The following PLCB4 variants were observed in gnomAD, a reference collection of about 807,000 sequenced individuals.
PLCB4 encodes the protein 1-phosphatidylinositol 4,5-bisphosphate phosphodiesterase beta-4.
Under a neutral mutation model 178.8 loss-of-function variants are expected in PLCB4, and 77 were observed. That is an observed-to-expected ratio of 0.43 (90% CI 0.36 to 0.52). The LOEUF (loss-of-function observed/expected upper bound fraction) is 0.52, where lower values mean the gene tolerates loss of function less well. Ranked by LOEUF, PLCB4 falls within the 20% of genes least tolerant of loss-of-function variation. PLCB4 has a pLI of 0.00. For synonymous variants in PLCB4, 496 were observed against 490.8 expected, an observed-to-expected ratio of 1.01 and a Z score of -0.14; for missense variants, 1,024 against 1,453.4, an observed-to-expected ratio of 0.70 and a Z score of 4.80.
chr20:9,078,385 T>C (rs1263559179), intron 1 of PLCB4, among the ~76,000 whole-genome samples: 2 of 150,914 alleles, frequency 1.3e-5, no homozygotes, highest in Non-Finnish European at 3.0e-5. Context: ...TCTTCTTTTC[T>C]TTCTTTTCTT....
In PLCB4 at chr20:9,437,062, A is replaced by G. The variant is rs1211048198; in HGVS notation, c.2674A>G (p.Thr892Ala). The G allele has an allele frequency of 6.2e-7, 1 of 1,613,952 alleles. No individual in the cohort carries two copies. The highest frequency in any genetic ancestry group is 8.5e-7 in the Non-Finnish European group (1 of 1,179,958). Residue 892 changes from threonine to alanine, a missense_variant, in exon 30 of 40, where the codon ACC becomes GCC. By Grantham distance (58) the Thr-to-Ala change is moderately conservative. Coordinates refer to ENST00000378473, the MANE Select transcript of PLCB4 (RefSeq NM_001377142.1). Reference protein sequence around the residue: ...SKNDKKGKANTAKANVTPQSS... With the variant: ...SKNDKKGKANAAKANVTPQSS... Reference sequence around the variant, plus strand: ...AAATGACAAGAAAGGAAAGGCCAACACCGCCAAAGCAAATGTGACCCCTCA... The same window carrying G: ...AAATGACAAGAAAGGAAAGGCCAACGCCGCCAAAGCAAATGTGACCCCTCA...
At chr20:9,221,130 G>A (rs907851759) in intron 3 of PLCB4, among the ~76,000 whole-genome samples, 1 of 152,132 alleles carries the variant, frequency 6.6e-6, no homozygotes, top group Non-Finnish European at 1.5e-5. Context: ...GGAAAGGGAA[G>A]AAGCCAAGCA....
At chr20:9,116,168 G>C (rs1351571610) in intron 2 of PLCB4, among the ~76,000 whole-genome samples, 1 of 151,502 alleles carries the variant, frequency 6.6e-6, no homozygotes, top group Non-Finnish European at 1.5e-5. Context: ...TGTGTGTATG[G>C]CTTCAAATCT....
chr20:9,190,835 A>T (rs987596339), intron 2 of PLCB4, among the ~76,000 whole-genome samples: 3 of 152,136 alleles, frequency 2.0e-5, no homozygotes, highest in Non-Finnish European at 4.4e-5. Flanking sequence ...TCCTTTTACA[A>T]TAAGAGGACC....
At chr20:9,369,026 C>G (rs2036015189) in intron 9 of PLCB4, among the ~76,000 whole-genome samples, 1 of 152,116 alleles carries the variant, frequency 6.6e-6, no homozygotes, top group Non-Finnish European at 1.5e-5. Context: ...ATATTATCTC[C>G]CTTCTTGGCC....
Position 9,443,875 on chromosome 20 carries a change from T to A in PLCB4, c.2765-106T>A. On this transcript the variant is annotated intron_variant, in intron 30 of 39. Coordinates refer to ENST00000378473, the MANE Select transcript of PLCB4 (RefSeq NM_001377142.1). ...TGTTTATATTCATCATATGTAAAGC[T>A]GCTTCAAAGTCTTTCGATGAGATTT... 1.4e-5 allele frequency: 9 copies of A among 666,644 alleles called. No homozygotes were observed. In the South Asian group the frequency reaches 1.6e-4, roughly 12 times the overall value. 41.3% of individuals were successfully genotyped at this position (666,644 alleles called of 1,614,324 possible). A position where few individuals can be genotyped will look rare whatever the true frequency, so the allele number is the denominator to read the frequency against.
intron 2 of PLCB4, among the ~76,000 whole-genome samples, chr20:9,100,836 C>A (rs75491543): frequency 1.3e-5 from 2 of 152,080 alleles, no homozygotes; most frequent in African/African-American, 4.8e-5. Flanking sequence ...TCCTCCTGTG[C>A]GCTGATTCCC....
At position 9,425,836 on chromosome 20, in the gene PLCB4, C is replaced by G. The variant is rs139676265; in HGVS notation, c.2524+1884C>G. ...ACCAGGGACAGACATTATGCGGTGT[C>G]AGGGACTTCCCTGTAGATAACAGAA... On this transcript the variant is annotated intron_variant, in intron 28 of 39. Coordinates refer to ENST00000378473, the MANE Select transcript of PLCB4 (RefSeq NM_001377142.1). Among the ~76,000 whole-genome samples the G allele has an allele frequency of 3.0e-4, 45 of 152,310 alleles. No individual in the cohort carries two copies. In the East Asian group the frequency reaches 8.5e-3, roughly 29 times the overall value.
chr20:9,363,005 T>C (rs1243908854), intron 8 of PLCB4, 30 bp downstream of exon 8: 2 of 1,478,310 alleles, frequency 1.4e-6, no homozygotes, highest in South Asian at 2.3e-5. Context: ...CTCGTTTTTC[T>C]TGGCAGTTAT....
At chr20:9,254,953 C>G (rs1001754554) in intron 3 of PLCB4, among the ~76,000 whole-genome samples, 3 of 152,138 alleles carry the variant, frequency 2.0e-5, no homozygotes, top group African/African-American at 7.2e-5. Context: ...AGAACCACCT[C>G]AAATTTTGGA....
At chr20:9,240,447 C>G (rs2094046180) in intron 3 of PLCB4, among the ~76,000 whole-genome samples, 1 of 152,156 alleles carries the variant, frequency 6.6e-6, no homozygotes, top group African/African-American at 2.4e-5. Flanking sequence ...TCACCTTCTG[C>G]CCAGTTTTCC....
In PLCB4 at chr20:9,365,444, T is replaced by C; in HGVS notation, c.450-17T>C. The C allele has an allele frequency of 6.4e-7, 1 of 1,568,510 alleles. No homozygotes were observed. Among genetic ancestry groups the C allele is most frequent in the African/African-American group, 1.3e-5 (1 of 74,190 alleles). ...TCTAAGAAACATTAAGGCAATGTTA[T>C]TGCTATTGTTTTGCAGCTGGATGAA... On this transcript the variant is annotated splice_polypyrimidine_tract_variant and intron_variant, in intron 8 of 39. Coordinates refer to ENST00000378473, the MANE Select transcript of PLCB4 (RefSeq NM_001377142.1).
chr20:9,119,488 G>T (rs1263408975), intron 2 of PLCB4, among the ~76,000 whole-genome samples: 1 of 147,250 alleles, frequency 6.8e-6, no homozygotes, highest in African/African-American at 2.5e-5. Context: ...ACTTATCTTA[G>T]TCTCTCTTAC....
At chr20:9,342,931 T>C (rs996245978) in intron 7 of PLCB4, among the ~76,000 whole-genome samples, 1 of 152,202 alleles carries the variant, frequency 6.6e-6, no homozygotes, top group Non-Finnish European at 1.5e-5. Context: ...GATCGTGTCA[T>C]TGGTTTACGC....
chr20:9,425,696 G>T (rs971715901), intron 28 of PLCB4, among the ~76,000 whole-genome samples: 1 of 152,146 alleles, frequency 6.6e-6, no homozygotes, highest in Non-Finnish European at 1.5e-5. Flanking sequence ...TATCAGAAGC[G>T]TTTGAAATTT....
At chr20:9,184,755 A>T (rs1167246282) in intron 2 of PLCB4, among the ~76,000 whole-genome samples, 1 of 152,130 alleles carries the variant, frequency 6.6e-6, no homozygotes, top group Admixed American at 6.5e-5. Flanking sequence ...CATATAACAC[A>T]CGCATCTAGG....
chr20:9,254,031 C>T (rs772627573), intron 3 of PLCB4, among the ~76,000 whole-genome samples: 2 of 152,168 alleles, frequency 1.3e-5, no homozygotes, highest in Non-Finnish European at 2.9e-5. Flanking sequence ...CCCTTGGGCT[C>T]AAGAACAAAG....
chr20:9,388,378 G>A (rs1012674857), intron 15 of PLCB4, among the ~76,000 whole-genome samples: 1 of 152,098 alleles, frequency 6.6e-6, no homozygotes, highest in African/African-American at 2.4e-5. Context: ...AGGAGCAGCG[G>A]TTCTCAACTC....
chr20:9,228,515 G>T (rs1460183901), intron 3 of PLCB4, among the ~76,000 whole-genome samples: 1 of 152,122 alleles, frequency 6.6e-6, no homozygotes, highest in Non-Finnish European at 1.5e-5. Context: ...TCTAATGGAA[G>T]CTGAGAGATT....
Sources: gnomAD v4.1 joint callset for allele counts (sites outside exome capture counted in the v4.1 genomes callset) on GRCh38, gnomAD v4.1.1 for gene constraint, MANE v1.5 for transcripts, NCBI Gene and HGNC (gene_info 2026-07-23, HGNC 2026-07-21) for gene names.